PACRG: variants seen among roughly 807,000 people sequenced by gnomAD.
PACRG encodes parkin coregulated gene protein.
Under a neutral mutation model 29.7 loss-of-function variants are expected in PACRG, and 29 were observed. The ratio of observed to expected loss-of-function variants is 0.98; its 90% CI spans 0.73 to 1.33. The LOEUF (loss-of-function observed/expected upper bound fraction) is 1.33, where lower values mean the gene tolerates loss of function less well. Ranked by LOEUF, PACRG falls within the 40% of genes most tolerant of loss-of-function variation. The pLI, the probability that PACRG is intolerant of heterozygous loss-of-function variation, is 0.00. For missense variants in PACRG, 279 were observed against 316.2 expected (o/e 0.88, Z 0.89); for synonymous variants, 116 against 118.7 (o/e 0.98, Z 0.15).
intron 2 of PACRG, among the ~76,000 whole-genome samples, chr6:162,995,784 C>T (rs910914144): frequency 1.3e-5 from 2 of 152,226 alleles, no homozygotes; most frequent in African/African-American, 4.8e-5. Flanking sequence ...ATTTTTAAGC[C>T]TGAGTAATAT....
chr6:162,803,984 ATAG>A lies in PACRG; in HGVS notation c.157-10159_157-10157del, dbSNP rs540244258. ...ATATAAATTCCAAATATAATGGCAA[ATAG>A]TAGGTGGAATATTACTTAGCTATTA... On this transcript the variant is annotated intron_variant, in intron 1 of 4. Coordinates refer to ENST00000366888, the MANE Select transcript of PACRG (RefSeq NM_001080379.2). 6.4e-4 allele frequency among the ~76,000 whole-genome samples: 98 copies of A among 152,292 alleles called. 1 individual carries two copies. The highest frequency in any genetic ancestry group is 5.0e-3 in the South Asian group (24 of 4,832).
At chr6:162,895,113 A>G (rs1463511805) in intron 2 of PACRG, among the ~76,000 whole-genome samples, 2 of 149,522 alleles carry the variant, frequency 1.3e-5, no homozygotes, top group Non-Finnish European at 3.0e-5. Flanking sequence ...CCGCCCCCAA[A>G]AAAAAATTTA....
intron 4 of PACRG, among the ~76,000 whole-genome samples, chr6:163,232,618 C>T (rs751269316): frequency 3.3e-5 from 5 of 152,126 alleles, no homozygotes; most frequent in African/African-American, 4.8e-5. Flanking sequence ...CACACTTATA[C>T]TTTGAGGGTG....
At chr6:163,146,196 G>A (rs929599951) in intron 4 of PACRG, among the ~76,000 whole-genome samples, 1 of 152,132 alleles carries the variant, frequency 6.6e-6, no homozygotes, top group African/African-American at 2.4e-5. Flanking sequence ...ATGACCAGGA[G>A]ATGCCGTCGG....
At chr6:162,772,887 T>C (rs1417548108) in intron 1 of PACRG, among the ~76,000 whole-genome samples, 1 of 152,194 alleles carries the variant, frequency 6.6e-6, no homozygotes, top group Non-Finnish European at 1.5e-5. Context: ...GTACAGGGAA[T>C]TAAAGTGTTG....
chr6:162,900,387 CA>C (rs1795475861), intron 2 of PACRG, among the ~76,000 whole-genome samples: 1 of 152,146 alleles, frequency 6.6e-6, no homozygotes, highest in Admixed American at 6.5e-5. Flanking sequence ...GTGATTCCTA[CA>C]AGGAGACGTG....
At chr6:163,027,358 G>A (rs570958208) in intron 2 of PACRG, among the ~76,000 whole-genome samples, 1 of 152,216 alleles carries the variant, frequency 6.6e-6, no homozygotes, top group African/African-American at 2.4e-5. Flanking sequence ...TCATTACACT[G>A]AAAATTATGC....
intron 2 of PACRG, among the ~76,000 whole-genome samples, chr6:162,986,427 C>G (rs911707022): frequency 6.6e-6 from 1 of 152,130 alleles, no homozygotes; most frequent in Non-Finnish European, 1.5e-5. Flanking sequence ...GCCTACTGAT[C>G]TTAGACAAAG....
chr6:163,210,735 G>A (rs1781102005), intron 4 of PACRG, among the ~76,000 whole-genome samples: 1 of 152,190 alleles, frequency 6.6e-6, no homozygotes, highest in Admixed American at 6.5e-5. Context: ...AGTTTGTACT[G>A]AAGGGCATAA....
At chr6:162,852,377 A>G (rs978808670) in intron 2 of PACRG, among the ~76,000 whole-genome samples, 1 of 152,202 alleles carries the variant, frequency 6.6e-6, no homozygotes, top group Non-Finnish European at 1.5e-5. Context: ...CCCGGGGGCC[A>G]GGGTGCTGCC....
chr6:163,212,729 A>C (rs772458923), intron 4 of PACRG, among the ~76,000 whole-genome samples: 25 of 132,508 alleles, frequency 1.9e-4, no homozygotes, highest in Non-Finnish European at 2.6e-4. Context: ...TCCCAACAAA[A>C]TGCACATTAA....
intron 2 of PACRG, among the ~76,000 whole-genome samples, chr6:162,943,318 C>T (rs569644632): frequency 7.9e-5 from 12 of 152,306 alleles, no homozygotes; most frequent in South Asian, 6.2e-4. Context: ...TAGCTGCCAT[C>T]GCTGCTGGCT....
At chr6:162,816,324 G>T (rs1282769218) in intron 2 of PACRG, among the ~76,000 whole-genome samples, 1 of 152,040 alleles carries the variant, frequency 6.6e-6, no homozygotes, top group Non-Finnish European at 1.5e-5. Flanking sequence ...CTGTAACACT[G>T]AAGATAAGAC....
intron 1 of PACRG, among the ~76,000 whole-genome samples, chr6:162,786,722 G>GTT (rs1562595315): frequency 1.5e-4 from 20 of 133,942 alleles, no homozygotes; most frequent in South Asian, 8.2e-4. Context: ...AATAGCAAGT[G>GTT]GTTTTTTTTT....
chr6:162,997,916 CT>C (rs1562816720), intron 2 of PACRG, among the ~76,000 whole-genome samples: 1 of 152,124 alleles, frequency 6.6e-6, no homozygotes. Flanking sequence ...ATGCTAATTC[CT>C]TGCCAGGAGA....
At chr6:163,120,830 G>A (rs1019151030) in intron 4 of PACRG, among the ~76,000 whole-genome samples, 2 of 152,176 alleles carry the variant, frequency 1.3e-5, no homozygotes, top group Non-Finnish European at 2.9e-5. Flanking sequence ...TCAGCCGGGG[G>A]AATAAGCTAG....
At chr6:162,749,592 C>G (rs981263629) in intron 1 of PACRG, among the ~76,000 whole-genome samples, 1 of 152,128 alleles carries the variant, frequency 6.6e-6, no homozygotes, top group Non-Finnish European at 1.5e-5. Context: ...GTGATCTCAG[C>G]TCACTGCAAC....
intron 4 of PACRG, among the ~76,000 whole-genome samples, chr6:163,282,790 T>C (rs1256815065): frequency 6.6e-6 from 1 of 152,050 alleles, no homozygotes; most frequent in Non-Finnish European, 1.5e-5. Context: ...CCATCCAGTG[T>C]GTACTTTTCT....
intron 2 of PACRG, among the ~76,000 whole-genome samples, chr6:162,981,416 A>T (rs1466124676): frequency 6.6e-6 from 1 of 151,950 alleles, no homozygotes; most frequent in Non-Finnish European, 1.5e-5. Flanking sequence ...ACACATATAC[A>T]TGCTGTTTTC....
Sources: gnomAD v4.1 joint callset for allele counts (sites outside exome capture counted in the v4.1 genomes callset) on GRCh38, gnomAD v4.1.1 for gene constraint, MANE v1.5 for transcripts, NCBI Gene and HGNC (gene_info 2026-07-23, HGNC 2026-07-21) for gene names.